The following ERCC6L2 variants were observed in gnomAD, a reference collection of about 807,000 sequenced individuals.
ERCC6L2 encodes the protein ERCC excision repair 6 like 2.
A neutral mutation model predicts 132.0 loss-of-function variants in ERCC6L2; 77 were observed. That is an observed-to-expected ratio of 0.58 (90% confidence interval 0.49 to 0.71). The LOEUF is 0.71. Among genes scored for constraint, ERCC6L2 ranks in the 30% least tolerant of loss-of-function variants. The pLI, the probability that ERCC6L2 is intolerant of heterozygous loss-of-function variation, is 0.00. For missense variants in ERCC6L2, 1,542 were observed against 1,837.6 expected, an observed-to-expected ratio of 0.84 and a Z score of 2.94; for synonymous variants, 583 against 632.4, an observed-to-expected ratio of 0.92 and a Z score of 1.17.
chr9:95,979,049 G>C (rs1832787508), intron 17 of ERCC6L2, among the ~76,000 whole-genome samples: 1 of 152,166 alleles, frequency 6.6e-6, no homozygotes, highest in African/African-American at 2.4e-5. Flanking sequence ...CAGAGAAAAT[G>C]CAAATTAAAC....
chr9:95,881,382 A>G lies in ERCC6L2; in HGVS notation c.471+89A>G, dbSNP rs1310524162. On this transcript the variant is annotated intron_variant, in intron 2 of 18. Coordinates refer to ENST00000653738, the MANE Select transcript of ERCC6L2 (RefSeq NM_020207.7). ...AATCTTTATTTGTACTGCTGTTACG[A>G]TAGCTATTTTGTGTGTTCCTGTGTA... The G allele has an allele frequency of 8.7e-6, 9 of 1,033,922 alleles. No homozygotes were observed. The African/African-American group carries it at 1.1e-4, about 13-fold the overall frequency. The allele number at this position is 1,033,922 out of a possible 1,614,324, so 64.0% of individuals were successfully genotyped here.
intron 17 of ERCC6L2, among the ~76,000 whole-genome samples, chr9:95,983,131 T>C (rs1205615058): frequency 1.3e-5 from 2 of 152,206 alleles, no homozygotes; most frequent in Admixed American, 1.3e-4. Context: ...CCTGCTATTA[T>C]TTTTGTTGCT....
At chr9:95,909,876 CA>C (rs1306050660) in intron 4 of ERCC6L2, among the ~76,000 whole-genome samples, 1 of 152,196 alleles carries the variant, frequency 6.6e-6, no homozygotes, top group East Asian at 1.9e-4. Context: ...CCATTTTCCA[CA>C]GTGGTTTTAC....
At chr9:95,944,957 G>T (rs912006357) in intron 12 of ERCC6L2, among the ~76,000 whole-genome samples, 1 of 152,144 alleles carries the variant, frequency 6.6e-6, no homozygotes, top group Non-Finnish European at 1.5e-5. Context: ...CAGGACCGGG[G>T]CGAAATTAAA....
intron 13 of ERCC6L2, among the ~76,000 whole-genome samples, chr9:95,961,594 A>G (rs777313891): frequency 5.3e-5 from 8 of 152,314 alleles, no homozygotes; most frequent in South Asian, 4.1e-4. Flanking sequence ...AAATTTGACT[A>G]TATTTTTGTA....
chr9:95,898,815 A>G (rs1189734666), intron 3 of ERCC6L2, among the ~76,000 whole-genome samples: 1 of 152,194 alleles, frequency 6.6e-6, no homozygotes, highest in Non-Finnish European at 1.5e-5. Context: ...ACTCTTGTCT[A>G]TCATAAAGAC....
At chr9:96,004,279 G>A (rs1203049589) in intron 17 of ERCC6L2, among the ~76,000 whole-genome samples, 1 of 152,088 alleles carries the variant, frequency 6.6e-6, no homozygotes, top group African/African-American at 2.4e-5. Context: ...CCCAAGTCTT[G>A]ACAATGGAAA....
chr9:96,039,612 G>C (rs1313992982), intron 20 of ERCC6L2, among the ~76,000 whole-genome samples: 1 of 152,134 alleles, frequency 6.6e-6, no homozygotes, highest in Non-Finnish European at 1.5e-5. Context: ...ACTTACGGGG[G>C]AGTGGTGGGG....
intron 17 of ERCC6L2, among the ~76,000 whole-genome samples, chr9:95,995,158 CA>C (rs773025620): frequency 1.2e-4 from 19 of 152,262 alleles, no homozygotes; most frequent in Non-Finnish European, 2.2e-4. Flanking sequence ...TAGCTATCTG[CA>C]AAGTTAAGAG....
intron 18 of ERCC6L2, among the ~76,000 whole-genome samples, chr9:96,008,238 A>G (rs1198206897): frequency 6.6e-6 from 1 of 152,096 alleles, no homozygotes; most frequent in Admixed American, 6.5e-5. Context: ...TCTGGGCTTC[A>G]ATGTCAGTGC....
In ERCC6L2 at chr9:96,013,166, C is replaced by A; in HGVS notation, c.4616C>A (p.Thr1539Lys). Reference sequence around the variant, plus strand: ...TGGAAGAAATTTAGCCCAAGTGATACAGATGAAAACGCAACCAATACACAG... The same window carrying A: ...TGGAAGAAATTTAGCCCAAGTGATAAAGATGAAAACGCAACCAATACACAG... ...FLWKKFSPSD[T>K]DENATNTQST... is the part of the protein sequence containing the mutation. Residue 1539 changes from threonine (T) to lysine (K), a missense_variant, in exon 19 of 19, where the codon ACA becomes AAA. Thr to Lys is a moderately conservative substitution (Grantham distance 78). Coordinates refer to ENST00000653738, the MANE Select transcript of ERCC6L2 (RefSeq NM_020207.7). The A allele has an allele frequency of 7.3e-7, 1 of 1,365,978 alleles. No individual in the cohort carries two copies. The allele number at this position is 1,365,978 out of a possible 1,614,324, so 84.6% of individuals were successfully genotyped here.
chr9:95,959,339 G>A (rs977247580), intron 13 of ERCC6L2, among the ~76,000 whole-genome samples: 2 of 151,914 alleles, frequency 1.3e-5, no homozygotes, highest in Non-Finnish European at 2.9e-5. Context: ...GTAGAATGCT[G>A]AAACTGGATC....
rs761294202 is a variant in ERCC6L2 at position 95,881,172 on chromosome 9, A to G, written c.350A>G (p.Tyr117Cys). The G allele has an allele frequency of 1.2e-6, 2 of 1,613,416 alleles. No homozygotes were observed. Among genetic ancestry groups the G allele is most frequent in the East Asian group, 2.2e-5 (1 of 44,876 alleles). The change falls in exon 2 of 19, where the codon TAT (tyrosine) becomes TGT (cysteine). Residue 117 changes from tyrosine to cysteine, a missense_variant. Coordinates refer to ENST00000653738, the MANE Select transcript of ERCC6L2 (RefSeq NM_020207.7). ...TCTGACAATGGAGACTCTATTCCTT[A>G]TACCATCAATAGGTATTTGAGAGAC... ...KLSDNGDSIP[Y>C]TINRYLRDYQ... is the part of the protein sequence containing the mutation.
intron 6 of ERCC6L2, chr9:95,918,506 A>G: frequency 2.0e-6 from 1 of 501,626 alleles, no homozygotes; most frequent in Non-Finnish European, 4.0e-6. Context: ...GTAAAGTTAC[A>G]ACATACCTAC....
chr9:95,875,977 G>C lies in ERCC6L2; in HGVS notation c.-62G>C, dbSNP rs1421881952. 1.3e-6 allele frequency: 2 copies of C among 1,540,848 alleles called. No homozygotes were observed. The highest frequency in any genetic ancestry group is 1.7e-4 in the Middle Eastern group (1 of 5,758). ...CATTGGCCTGCCGGCCAGCCACCTTGCTGTCCTCCGCCGCCTTCCGGGTGT... is the reference window on the plus strand; with the variant it reads ...CATTGGCCTGCCGGCCAGCCACCTTCCTGTCCTCCGCCGCCTTCCGGGTGT... On this transcript the variant is annotated 5_prime_UTR_variant, in exon 1 of 19. Transcript: ENST00000653738.
At chr9:95,911,698 G>A (rs1012929971) in intron 4 of ERCC6L2, among the ~76,000 whole-genome samples, 4 of 152,100 alleles carry the variant, frequency 2.6e-5, no homozygotes, top group East Asian at 1.9e-4. Flanking sequence ...GGGGATGAAC[G>A]TGCTATGAAC....
intron 13 of ERCC6L2, among the ~76,000 whole-genome samples, chr9:95,961,399 C>T (rs1350993235): frequency 6.6e-6 from 1 of 152,112 alleles, no homozygotes; most frequent in Non-Finnish European, 1.5e-5. Flanking sequence ...TAGAAAGAGG[C>T]AAGGAAGGAT....
intron 3 of ERCC6L2, among the ~76,000 whole-genome samples, chr9:95,900,863 A>T (rs546488162): frequency 1.3e-5 from 2 of 152,090 alleles, no homozygotes; most frequent in African/African-American, 4.8e-5. Context: ...AAAACGTTAA[A>T]TTTTTTTATT....
chr9:95,979,211 T>G (rs1832793236), intron 17 of ERCC6L2, among the ~76,000 whole-genome samples: 2 of 152,178 alleles, frequency 1.3e-5, no homozygotes. Flanking sequence ...TCTCAGCTAG[T>G]GCATGTGGAA....
Sources: gnomAD v4.1 joint callset for allele counts (sites outside exome capture counted in the v4.1 genomes callset) on GRCh38, gnomAD v4.1.1 for gene constraint, MANE v1.5 for transcripts, NCBI Gene and HGNC (gene_info 2026-07-23, HGNC 2026-07-21) for gene names.